The following SCN11A variants were observed in gnomAD, a reference collection of about 807,000 sequenced individuals.
SCN11A encodes sodium channel protein type 11 subunit alpha.
SCN11A carries 122 observed loss-of-function variants against 162.2 expected under a neutral mutation model. The observed-to-expected ratio is 0.75, with a 90% CI of 0.65 to 0.87. The LOEUF (loss-of-function observed/expected upper bound fraction) is 0.87, where lower values mean the gene tolerates loss of function less well. SCN11A is among the 40% of genes least tolerant of loss of function. SCN11A has a pLI of 0.00. For synonymous variants in SCN11A, 758 were observed against 751.5 expected, an observed-to-expected ratio of 1.01 and a Z score of -0.14; for missense variants, 2,015 against 2,181.6, an observed-to-expected ratio of 0.92 and a Z score of 1.52.
intron 9 of SCN11A, 118 bp downstream of exon 9, chr3:38,925,297 A>C (rs1329557928): frequency 5.8e-6 from 4 of 691,832 alleles, no homozygotes; most frequent in Non-Finnish European, 9.9e-6. Flanking sequence ...CCATCAAATA[A>C]ATTTGTAAAG....
intron 9 of SCN11A, among the ~76,000 whole-genome samples, chr3:38,922,088 A>C (rs762399176): frequency 6.6e-6 from 1 of 152,226 alleles, no homozygotes; most frequent in Non-Finnish European, 1.5e-5. Context: ...AACTTCAGCA[A>C]TCCACTGAGT....
chr3:38,870,107 C>G lies in SCN11A; in HGVS notation c.3813+584G>C, dbSNP rs999831658. On this transcript the variant is annotated intron_variant, in intron 26 of 29. Transcript: ENST00000302328. Reference sequence around the variant, plus strand: ...GCTTTGGGAAACTCTTTCTTTTTATCCCTCAACTTTCCAAGCTGGAAAATA... The same window carrying G: ...GCTTTGGGAAACTCTTTCTTTTTATGCCTCAACTTTCCAAGCTGGAAAATA... Among the ~76,000 whole-genome samples the G allele has an allele frequency of 2.6e-5, 4 of 152,154 alleles. No individual in the cohort carries two copies. The East Asian group carries it at 7.7e-4, about 29-fold the overall frequency.
At position 38,910,078 on chromosome 3, in the gene SCN11A, C is replaced by T; in HGVS notation, c.1089G>A (p.Lys363=). ...FRLMTQDSWE[K]LYQQTLRTTG... ...ATAAATAGATAACCTGTTGATAAAGCTTCTCCCAGGAATCTTGGGTCATCA... is the reference window on the plus strand; with the variant it reads ...ATAAATAGATAACCTGTTGATAAAGTTTCTCCCAGGAATCTTGGGTCATCA... Residue 363 remains lysine (K), a synonymous_variant, in exon 12 of 30, where the codon AAG becomes AAA. Coordinates refer to ENST00000302328, the MANE Select transcript of SCN11A (RefSeq NM_001349253.2). 1 of 1,613,708 alleles carries T rather than the reference C, an allele frequency of 6.2e-7. No individual in the cohort carries two copies. The highest frequency in any genetic ancestry group is 1.3e-5 in the African/African-American group (1 of 74,968).
intron 7 of SCN11A, among the ~76,000 whole-genome samples, chr3:38,932,660 G>T (rs538678381): frequency 1.3e-5 from 2 of 152,216 alleles, no homozygotes; most frequent in Non-Finnish European, 2.9e-5. Flanking sequence ...GCAGCAGGGA[G>T]GCTGGGGGAG....
intron 19 of SCN11A, among the ~76,000 whole-genome samples, chr3:38,888,239 G>T (rs1280390243): frequency 2.6e-5 from 4 of 152,188 alleles, no homozygotes; most frequent in Non-Finnish European, 5.9e-5. Flanking sequence ...AATGGGACCT[G>T]GGCAAAAGTA....
intron 14 of SCN11A, 99 bp from the exon 15 acceptor site, chr3:38,905,420 C>A: frequency 1.4e-6 from 2 of 1,399,608 alleles, no homozygotes; most frequent in African/African-American, 1.4e-5. Context: ...AATGAAAGTG[C>A]TCAACATTTT....
chr3:38,940,072 A>G (rs1192929227), intron 7 of SCN11A, among the ~76,000 whole-genome samples: 2 of 150,352 alleles, frequency 1.3e-5, no homozygotes, highest in African/African-American at 2.4e-5. Context: ...ATATATATAT[A>G]TATAGTTTTA....
At chr3:38,912,160 G>C (rs1156326089) in intron 11 of SCN11A, among the ~76,000 whole-genome samples, 1 of 152,138 alleles carries the variant, frequency 6.6e-6, no homozygotes, top group Non-Finnish European at 1.5e-5. Flanking sequence ...TAACTTCCAG[G>C]AGTCTGCTGA....
chr3:38,956,838 T>C (rs1280979666), intron 3 of SCN11A, among the ~76,000 whole-genome samples: 1 of 152,134 alleles, frequency 6.6e-6, no homozygotes, highest in Non-Finnish European at 1.5e-5. Flanking sequence ...GATACCAATT[T>C]TCTCACCTTA....
rs200623135 is a variant in SCN11A, at chr3:38,930,059, CTT to C, written c.489-3130_489-3129del. ...CTGTCTCAAAAAAAAAATCTCGTAT[CTT>C]TTGTTATAATCCCAAGCTGCAAAAA... On this transcript the variant is annotated intron_variant, in intron 7 of 29. Transcript: ENST00000302328. Among the ~76,000 whole-genome samples the C allele has an allele frequency of 4.8e-3, 738 of 152,260 alleles. 13 individuals are homozygous for C. The highest frequency in any genetic ancestry group is 0.021 in the Admixed American group (325 of 15,300).
Position 38,846,666 on chromosome 3 carries a change from G to T in SCN11A, c.*28C>A. 6.3e-7 allele frequency: 1 copy of T among 1,587,744 alleles called. No homozygotes were observed. Among genetic ancestry groups the T allele is most frequent in the Non-Finnish European group, 8.6e-7 (1 of 1,157,386 alleles). On this transcript the variant is annotated 3_prime_UTR_variant, in exon 30 of 30. Coordinates refer to ENST00000302328, the MANE Select transcript of SCN11A (RefSeq NM_001349253.2). ...CAGAGGCTGAAGGCAAGGCTGTGAAGCTATGAGGTAGGCGTGGAGGTGAGG... is the reference window on the plus strand; with the variant it reads ...CAGAGGCTGAAGGCAAGGCTGTGAATCTATGAGGTAGGCGTGGAGGTGAGG...
At chr3:38,912,244 T>C (rs2065896777) in intron 11 of SCN11A, among the ~76,000 whole-genome samples, 1 of 152,054 alleles carries the variant, frequency 6.6e-6, no homozygotes, top group African/African-American at 2.4e-5. Flanking sequence ...TTGTTCAATC[T>C]CCTCCTCTCT....
chr3:39,010,383 TTC>T lies in SCN11A; in HGVS notation c.-280+21995_-280+21996del, dbSNP rs199797915. On this transcript the variant is annotated intron_variant, in intron 2 of 29. Transcript: ENST00000302328. ...AAACAGAAGTTTTAGTTTTTCTTTTTTCTTTTTTTTTTTTGAGACAGAGTTTC... is the reference window on the plus strand; with the variant it reads ...AAACAGAAGTTTTAGTTTTTCTTTTTTTTTTTTTTTTTGAGACAGAGTTTC... Among the ~76,000 whole-genome samples the T allele has an allele frequency of 3.2e-3, 395 of 123,128 alleles. 8 individuals are homozygous for T. Among genetic ancestry groups the T allele is most frequent in the East Asian group, 0.018 (85 of 4,604 alleles). 80.8% of individuals were successfully genotyped at this position (123,128 alleles called of 152,430 possible).
At chr3:38,924,530 C>T (rs1345610125) in intron 9 of SCN11A, among the ~76,000 whole-genome samples, 1 of 152,090 alleles carries the variant, frequency 6.6e-6, no homozygotes, top group Non-Finnish European at 1.5e-5. Context: ...TGCACCACCA[C>T]ACCTGATTAC....
intron 2 of SCN11A, among the ~76,000 whole-genome samples, chr3:39,022,103 C>T (rs1365209196): frequency 6.6e-6 from 1 of 152,122 alleles, no homozygotes; most frequent in Non-Finnish European, 1.5e-5. Context: ...TCTGGCCTGT[C>T]TAAGGAGAAG....
intron 28 of SCN11A, among the ~76,000 whole-genome samples, chr3:38,857,411 C>T (rs1337121332): frequency 6.6e-6 from 1 of 151,906 alleles, no homozygotes; most frequent in Non-Finnish European, 1.5e-5. Flanking sequence ...AACTTTAGAG[C>T]TCAAAGACAA....
intron 2 of SCN11A, among the ~76,000 whole-genome samples, chr3:38,973,981 C>A (rs1344285611): frequency 3.3e-5 from 5 of 152,094 alleles, no homozygotes; most frequent in African/African-American, 7.2e-5. Context: ...TTAAGCAATT[C>A]CCACAAATAA....
chr3:38,982,587 A>G (rs1410349089), intron 2 of SCN11A, among the ~76,000 whole-genome samples: 1 of 152,226 alleles, frequency 6.6e-6, no homozygotes, highest in African/African-American at 2.4e-5. Context: ...TACTGGAACA[A>G]GCTTTGACAT....
At chr3:38,955,767 A>C (rs1457586452) in intron 3 of SCN11A, among the ~76,000 whole-genome samples, 2 of 152,258 alleles carry the variant, frequency 1.3e-5, no homozygotes, top group Admixed American at 6.5e-5. Context: ...AAAAAAAATT[A>C]CTTGAGTATA....
Sources: gnomAD v4.1 joint callset for allele counts (sites outside exome capture counted in the v4.1 genomes callset) on GRCh38, gnomAD v4.1.1 for gene constraint, MANE v1.5 for transcripts, NCBI Gene and HGNC (gene_info 2026-07-23, HGNC 2026-07-21) for gene names.